USP50: variants seen among roughly 807,000 people sequenced by gnomAD.
USP50 encodes the protein ubiquitin carboxyl-terminal hydrolase 50.
USP50 carries 37 observed loss-of-function variants against 39.2 expected under a neutral mutation model. The ratio of observed to expected loss-of-function variants is 0.94; its 90% CI spans 0.73 to 1.24. USP50 has a LOEUF of 1.24. Among genes scored for constraint, USP50 ranks in the 50% most tolerant of loss-of-function variants. The probability of loss-of-function intolerance (pLI) is 0.00; values close to 1 mark genes in which losing one functional copy is unlikely to be tolerated. For synonymous variants in USP50, 139 were observed against 144.5 expected (o/e 0.96, Z 0.27); for missense variants, 374 against 398.2 (o/e 0.94, Z 0.52).
chr15:50,541,427 C>T (rs2053029388), intron 3 of USP50, among the ~76,000 whole-genome samples, 163 bp from the exon 4 acceptor site: 1 of 151,936 alleles, frequency 6.6e-6, no homozygotes, highest in Non-Finnish European at 1.5e-5. Context: ...GTTGGAGGAT[C>T]AGTTGAGCCT....
intron 6 of USP50, among the ~76,000 whole-genome samples, chr15:50,524,414 C>T (rs2052872606): frequency 1.3e-5 from 2 of 152,142 alleles, no homozygotes; most frequent in African/African-American, 4.8e-5. Context: ...AGAAACTCAA[C>T]TCATTAGCAA....
At chr15:50,530,598 A>G (rs2052932500) in intron 5 of USP50, among the ~76,000 whole-genome samples, 1 of 149,626 alleles carries the variant, frequency 6.7e-6, no homozygotes, top group African/African-American at 2.5e-5. Context: ...ATAAAAAATA[A>G]AAAAAAAAAG....
At chr15:50,516,836 A>G (rs1000941446) in intron 6 of USP50, among the ~76,000 whole-genome samples, 1 of 152,108 alleles carries the variant, frequency 6.6e-6, no homozygotes, top group African/African-American at 2.4e-5. Context: ...AGGTCATTAT[A>G]TAATGATAAA....
intron 6 of USP50, among the ~76,000 whole-genome samples, chr15:50,523,708 C>T (rs144376745): frequency 1.1e-3 from 166 of 152,186 alleles, no homozygotes; most frequent in African/African-American, 3.7e-3. Flanking sequence ...GTCCATACTA[C>T]GTAAAACAAT....
chr15:50,526,663 C>A (rs2052900757), intron 6 of USP50, among the ~76,000 whole-genome samples: 1 of 152,156 alleles, frequency 6.6e-6, no homozygotes, highest in Non-Finnish European at 1.5e-5. Flanking sequence ...TGGGAAGACA[C>A]TACAAGGAGG....
At chr15:50,537,896 G>GAGGGGAGGGGAGGGGAGGGAAGGGA (rs1271177504) in intron 5 of USP50, among the ~76,000 whole-genome samples, 1 of 15,168 alleles carries the variant, frequency 6.6e-5, no homozygotes, top group Non-Finnish European at 1.5e-4. Context: ...GAGGGGAGGG[G>GAGGGGAGGGGAGGGGAGGGAAGGGA]AGGGAAGGGG....
chr15:50,528,616 C>G (rs1306182540), intron 6 of USP50, among the ~76,000 whole-genome samples: 1 of 152,124 alleles, frequency 6.6e-6, no homozygotes, highest in African/African-American at 2.4e-5. Flanking sequence ...GAGGATGCCA[C>G]TCTAGATTCC....
rs553744851 is a variant in USP50, at chr15:50,532,182, A to T, written c.804-2253T>A. ...TTGTGAATTTTCCTTCCAGGAGCCC[A>T]ACCACACTCGCACGGTAAATATTAG... is the stretch of plus-strand genomic sequence containing the variant. On this transcript the variant is annotated intron_variant, in intron 5 of 6. Coordinates refer to ENST00000532404, the MANE Select transcript of USP50 (RefSeq NM_203494.5). 3.0e-4 allele frequency: 138 copies of T among 456,322 alleles called. 1 individual carries two copies. The highest frequency in any genetic ancestry group is 2.0e-3 in the South Asian group (130 of 64,568). The allele number at this position is 456,322 out of a possible 1,614,324, so 28.3% of individuals were successfully genotyped here.
rs201507511 is a variant in USP50 at position 50,518,205 on chromosome 15, TTTTC to T, written c.936+11588_936+11591del. On this transcript the variant is annotated intron_variant, in intron 6 of 6. Transcript: ENST00000532404. ...ATACATGTATTTACAGCCAACTGAT[TTTTC>T]TTTCTTTTTCTTTTTTTGTTTTTTT... Among the ~76,000 whole-genome samples, 116 of 145,198 alleles carry T rather than the reference TTTTC, an allele frequency of 8.0e-4. 1 individual carries two copies. Among genetic ancestry groups the T allele is most frequent in the African/African-American group, 2.6e-3 (105 of 39,800 alleles).
chr15:50,499,818 C>CAAAT (rs556294124), downstream of USP50: 17 of 152,058 alleles, frequency 1.1e-4, no homozygotes, highest in East Asian at 3.3e-3. Flanking sequence ...ATTGTATTAT[C>CAAAT]AAATATAGGA....
chr15:50,493,924 C>T, downstream of USP50: 1 of 969,040 alleles, frequency 1.0e-6, no homozygotes, highest in Non-Finnish European at 1.6e-6. Context: ...AGATGAGAAT[C>T]TGGTGGTGAG....
intron 6 of USP50, among the ~76,000 whole-genome samples, chr15:50,518,261 C>T (rs1451443425): frequency 6.6e-6 from 1 of 150,514 alleles, no homozygotes; most frequent in Non-Finnish European, 1.5e-5. Context: ...CGCTCCATCA[C>T]CCAGGCTGGA....
At chr15:50,528,820 A>G (rs2052918293) in intron 6 of USP50, among the ~76,000 whole-genome samples, 1 of 152,228 alleles carries the variant, frequency 6.6e-6, no homozygotes, top group African/African-American at 2.4e-5. Context: ...TTCAACAATA[A>G]GCTGAAGAGG....
chr15:50,540,737 G>T (rs568294845), intron 4 of USP50, among the ~76,000 whole-genome samples: 3 of 151,912 alleles, frequency 2.0e-5, no homozygotes, highest in Non-Finnish European at 4.4e-5. Context: ...GATTCTTATG[G>T]CTCAGTCTCC....
intron 1 of USP50, among the ~76,000 whole-genome samples, chr15:50,545,950 G>C (rs1412010686): frequency 1.3e-5 from 2 of 150,796 alleles, no homozygotes; most frequent in East Asian, 1.9e-4. Context: ...GATTGATCTA[G>C]GATGTCCTTC....
intron 5 of USP50, chr15:50,532,296 C>A: frequency 2.2e-6 from 1 of 448,196 alleles, no homozygotes. Flanking sequence ...AGCCTGCCCA[C>A]AGGAGAAACT....
At chr15:50,514,304 A>C (rs2052779022) in intron 6 of USP50, 1 of 151,978 alleles carries the variant, frequency 6.6e-6, no homozygotes, top group African/African-American at 2.4e-5. Flanking sequence ...TTCTGTTTAA[A>C]CTCTGTTCTG....
chr15:50,536,244 A>T (rs897997647), intron 5 of USP50, among the ~76,000 whole-genome samples: 1 of 152,258 alleles, frequency 6.6e-6, no homozygotes, highest in African/African-American at 2.4e-5. Flanking sequence ...GAATCAACAA[A>T]AAAACCTCTT....
intron 6 of USP50, among the ~76,000 whole-genome samples, chr15:50,525,326 G>C (rs1478500909): frequency 6.6e-6 from 1 of 151,984 alleles, no homozygotes; most frequent in Non-Finnish European, 1.5e-5. Context: ...GGAAGTTTGA[G>C]ATCTATTGCG....
Sources: gnomAD v4.1 joint callset for allele counts (sites outside exome capture counted in the v4.1 genomes callset) on GRCh38, gnomAD v4.1.1 for gene constraint, MANE v1.5 for transcripts, NCBI Gene and HGNC (gene_info 2026-07-23, HGNC 2026-07-21) for gene names.